TMEM117: variants seen among roughly 807,000 people sequenced by gnomAD.
The protein encoded by TMEM117 is transmembrane protein 117.
In TMEM117, 27 loss-of-function variants were observed where a neutral mutation model predicts 52.4. The observed-to-expected ratio is 0.51, with a 90% CI of 0.38 to 0.71. TMEM117 has a LOEUF of 0.71. Ranked by LOEUF, TMEM117 falls within the 30% of genes least tolerant of loss-of-function variation. The pLI, the probability that TMEM117 is intolerant of heterozygous loss-of-function variation, is 0.00. For synonymous variants in TMEM117, 215 were observed against 206.3 expected, an observed-to-expected ratio of 1.04 and a Z score of -0.36; for missense variants, 556 against 630.5, an observed-to-expected ratio of 0.88 and a Z score of 1.26.
intron 3 of TMEM117, among the ~76,000 whole-genome samples, chr12:43,949,194 AGT>A (rs1945181518): frequency 1.3e-5 from 2 of 152,186 alleles, no homozygotes; most frequent in South Asian, 4.1e-4. Context: ...TCAGAGCAAG[AGT>A]GAGAGTTTAT....
At chr12:43,998,032 TTACTAGTC>T (rs1428346792) in intron 3 of TMEM117, among the ~76,000 whole-genome samples, 1 of 152,230 alleles carries the variant, frequency 6.6e-6, no homozygotes, top group African/African-American at 2.4e-5. Flanking sequence ...GATAGTGTTC[TTACTAGTC>T]TAGTAGAGTG....
In TMEM117 at chr12:44,255,105, G is replaced by A. The variant is rs188035326; in HGVS notation, c.608+43718G>A. Among the ~76,000 whole-genome samples the A allele has an allele frequency of 7.5e-3, 1,135 of 152,186 alleles. 18 individuals are homozygous for A. The highest frequency in any genetic ancestry group is 0.026 in the African/African-American group (1,082 of 41,526). The stretch of plus-strand genomic sequence containing the variant: ...CCAAGTCTTTGCTATTGTGAATAGT[G>A]CCACAATAAACATACGTGTGCATGT... On this transcript the variant is annotated intron_variant, in intron 5 of 7. Transcript: ENST00000266534.
intron 7 of TMEM117, among the ~76,000 whole-genome samples, chr12:44,385,193 C>A (rs966262222): frequency 1.3e-5 from 2 of 152,136 alleles, no homozygotes; most frequent in Non-Finnish European, 2.9e-5. Context: ...CTCCCTTTTA[C>A]AAACCAGTAA....
chr12:44,026,178 G>T (rs1371518683), intron 3 of TMEM117, among the ~76,000 whole-genome samples: 1 of 152,158 alleles, frequency 6.6e-6, no homozygotes, highest in South Asian at 2.1e-4. Context: ...GACTTGGCTT[G>T]CTCCTTGCTG....
At chr12:44,355,976 A>G (rs1239402980) in intron 6 of TMEM117, among the ~76,000 whole-genome samples, 1 of 152,064 alleles carries the variant, frequency 6.6e-6, no homozygotes, top group Non-Finnish European at 1.5e-5. Flanking sequence ...AAGCAGGTTC[A>G]TGGACATTGT....
chr12:43,984,426 A>C (rs1251207599), intron 3 of TMEM117, among the ~76,000 whole-genome samples: 3 of 151,956 alleles, frequency 2.0e-5, no homozygotes, highest in Non-Finnish European at 1.5e-5. Context: ...TTAGTTTCCC[A>C]ATCCTGATTT....
chr12:43,808,642 C>T, the TMEM117 span, among the ~76,000 whole-genome samples: 1 of 151,652 alleles, frequency 6.6e-6, no homozygotes, highest in African/African-American at 2.4e-5. Flanking sequence ...GCACAGGATC[C>T]ATCTAAAATG....
chr12:43,973,167 A>G lies in TMEM117; in HGVS notation c.410+28825A>G, dbSNP rs566513525. On this transcript the variant is annotated intron_variant, in intron 3 of 7. Transcript: ENST00000266534. ...TGAAGAAAAAAGGTTTTTTTCTGAAAACAGGTTTTTTCCCAAAATAGGGTC... is the reference window on the plus strand; with the variant it reads ...TGAAGAAAAAAGGTTTTTTTCTGAAGACAGGTTTTTTCCCAAAATAGGGTC... Among the ~76,000 whole-genome samples, 3 of 152,228 alleles carry G rather than the reference A, an allele frequency of 2.0e-5. No homozygotes were observed. In the East Asian group the frequency reaches 5.8e-4, roughly 29 times the overall value.
chr12:44,081,962 C>G (rs1212048628), intron 3 of TMEM117, among the ~76,000 whole-genome samples: 1 of 151,682 alleles, frequency 6.6e-6, no homozygotes, highest in African/African-American at 2.4e-5. Flanking sequence ...CAGTTTAGAA[C>G]AGACAGGTAT....
chr12:43,930,513 A>G (rs771538920), intron 2 of TMEM117, among the ~76,000 whole-genome samples: 9 of 152,192 alleles, frequency 5.9e-5, no homozygotes, highest in South Asian at 4.1e-4. Context: ...CAAGGGGAAA[A>G]AGATGCAATA....
intron 3 of TMEM117, among the ~76,000 whole-genome samples, chr12:44,102,159 A>G (rs893238059): frequency 6.6e-6 from 1 of 152,056 alleles, no homozygotes; most frequent in Non-Finnish European, 1.5e-5. Context: ...AGAAAGAAAA[A>G]TTATTTCCTA....
At chr12:43,889,721 A>T (rs138368476) in intron 2 of TMEM117, among the ~76,000 whole-genome samples, 96 of 152,304 alleles carry the variant, frequency 6.3e-4, no homozygotes, top group African/African-American at 2.2e-3. Context: ...GACTATAACC[A>T]CTTTGCTGAA....
chr12:44,366,012 A>G (rs879431477), intron 6 of TMEM117, among the ~76,000 whole-genome samples: 1 of 152,078 alleles, frequency 6.6e-6, no homozygotes, highest in Non-Finnish European at 1.5e-5. Context: ...GAAGAGTTTA[A>G]TTTGATTCTT....
At chr12:44,164,694 A>G (rs529897215) in intron 4 of TMEM117, among the ~76,000 whole-genome samples, 1 of 152,312 alleles carries the variant, frequency 6.6e-6, no homozygotes, top group East Asian at 1.9e-4. Context: ...TGGGGCTACA[A>G]TCTTTGTCTT....
intron 4 of TMEM117, among the ~76,000 whole-genome samples, chr12:44,169,951 C>A (rs1949021529): frequency 6.6e-6 from 1 of 152,070 alleles, no homozygotes; most frequent in Non-Finnish European, 1.5e-5. Context: ...TGGGCATATA[C>A]CCAAAGGATT....
chr12:44,066,012 C>G (rs1947216474), intron 3 of TMEM117, among the ~76,000 whole-genome samples: 1 of 152,122 alleles, frequency 6.6e-6, no homozygotes, highest in Non-Finnish European at 1.5e-5. Context: ...GTCTCAGAGA[C>G]TAGTGCAGCA....
At chr12:44,215,318 G>T (rs569664832) in intron 5 of TMEM117, among the ~76,000 whole-genome samples, 3 of 152,266 alleles carry the variant, frequency 2.0e-5, no homozygotes, top group African/African-American at 4.8e-5. Context: ...GAAGAAAATG[G>T]TTCCTATTTC....
intron 3 of TMEM117, among the ~76,000 whole-genome samples, chr12:44,090,967 T>C (rs1947662176): frequency 6.6e-6 from 1 of 150,722 alleles, no homozygotes; most frequent in Admixed American, 6.6e-5. Flanking sequence ...TTAAAACATA[T>C]CAAGATAAAT....
rs766612645 is a variant in TMEM117, at chr12:43,898,036, ACACACACG to A, written c.278-46170_278-46163del. On this transcript the variant is annotated intron_variant, in intron 2 of 7. Coordinates refer to ENST00000266534, the MANE Select transcript of TMEM117 (RefSeq NM_032256.3). ...CACACACATGCACATGCGCACACAC[ACACACACG>A]CACGCACACACACACACACACACAC... Among the ~76,000 whole-genome samples the A allele has an allele frequency of 5.4e-3, 764 of 140,634 alleles. 3 individuals are homozygous for A. Among genetic ancestry groups the A allele is most frequent in the African/African-American group, 0.011 (361 of 32,742 alleles). 92.3% of individuals were successfully genotyped at this position (140,634 alleles called of 152,430 possible).
Sources: gnomAD v4.1 joint callset for allele counts (sites outside exome capture counted in the v4.1 genomes callset) on GRCh38, gnomAD v4.1.1 for gene constraint, MANE v1.5 for transcripts, NCBI Gene and HGNC (gene_info 2026-07-23, HGNC 2026-07-21) for gene names.